ERBB4: variants seen among roughly 807,000 people sequenced by gnomAD.
The protein encoded by ERBB4 is erb-b2 receptor tyrosine kinase 4.
Under a neutral mutation model 158.0 loss-of-function variants are expected in ERBB4, and 42 were observed. The observed-to-expected ratio is 0.27, with a 90% CI of 0.21 to 0.34. ERBB4 has a LOEUF of 0.34. ERBB4 is among the 10% of genes least tolerant of loss of function. The pLI, the probability that ERBB4 is intolerant of heterozygous loss-of-function variation, is 1.00. For synonymous variants in ERBB4, 583 were observed against 558.7 expected (o/e 1.04, Z -0.61); for missense variants, 1,333 against 1,624.1 (o/e 0.82, Z 3.08).
chr2:212,431,722 A>G (rs2092034326), intron 1 of ERBB4, among the ~76,000 whole-genome samples: 1 of 152,112 alleles, frequency 6.6e-6, no homozygotes, highest in Admixed American at 6.6e-5. Context: ...ATCAACATAT[A>G]GTGTTAACTG....
intron 25 of ERBB4, among the ~76,000 whole-genome samples, chr2:211,412,611 C>A (rs531354875): frequency 2.9e-4 from 44 of 152,212 alleles, no homozygotes; most frequent in Non-Finnish European, 5.4e-4. Context: ...CAGTACCTAG[C>A]CTATGATAAA....
At chr2:211,907,012 C>G (rs1350291426) in intron 3 of ERBB4, among the ~76,000 whole-genome samples, 1 of 151,582 alleles carries the variant, frequency 6.6e-6, no homozygotes, top group African/African-American at 2.4e-5. Context: ...TATTTGTGTT[C>G]TTCTGACCTT....
intron 2 of ERBB4, among the ~76,000 whole-genome samples, chr2:212,004,413 A>G (rs2076212567): frequency 6.6e-6 from 1 of 152,170 alleles, no homozygotes; most frequent in African/African-American, 2.4e-5. Context: ...GAACCACATT[A>G]GACATCCCGA....
intron 23 of ERBB4, among the ~76,000 whole-genome samples, chr2:211,422,329 AT>A (rs2063530370): frequency 6.6e-6 from 1 of 151,764 alleles, no homozygotes; most frequent in Admixed American, 6.6e-5. Context: ...CAAAAGATAA[AT>A]TTTTTCTCTG....
chr2:212,518,622 T>A (rs1340506581), intron 1 of ERBB4, among the ~76,000 whole-genome samples: 1 of 151,940 alleles, frequency 6.6e-6, no homozygotes, highest in African/African-American at 2.4e-5. Flanking sequence ...TAGAAAAAAA[T>A]GTGATCTTTT....
At chr2:212,139,586 GA>G (rs1028269491) in intron 1 of ERBB4, among the ~76,000 whole-genome samples, 5 of 151,746 alleles carry the variant, frequency 3.3e-5, no homozygotes, top group African/African-American at 9.7e-5. Flanking sequence ...CTAGTAACAA[GA>G]AAAAATTTTT....
intron 1 of ERBB4, among the ~76,000 whole-genome samples, chr2:212,392,627 T>A (rs1314549891): frequency 6.6e-6 from 1 of 152,082 alleles, no homozygotes; most frequent in Non-Finnish European, 1.5e-5. Flanking sequence ...TCATTCGATA[T>A]TAAGCTAATC....
chr2:211,967,059 T>A (rs921003206), intron 2 of ERBB4, among the ~76,000 whole-genome samples: 1 of 152,172 alleles, frequency 6.6e-6, no homozygotes, highest in Non-Finnish European at 1.5e-5. Flanking sequence ...TTTATAATCC[T>A]GAACCTCTTA....
chr2:211,443,579 C>T (rs1337858590), intron 20 of ERBB4, among the ~76,000 whole-genome samples: 1 of 151,996 alleles, frequency 6.6e-6, no homozygotes, highest in African/African-American at 2.4e-5. Flanking sequence ...AAGCACATAT[C>T]ATAAAAACAG....
intron 20 of ERBB4, among the ~76,000 whole-genome samples, chr2:211,439,715 G>C (rs150535991): frequency 1.2e-3 from 187 of 152,186 alleles, no homozygotes; most frequent in African/African-American, 4.1e-3. Flanking sequence ...GGTTTCACTG[G>C]GTTCTTGTCA....
At chr2:211,647,779 A>T (rs182409506) in intron 16 of ERBB4, among the ~76,000 whole-genome samples, 34 of 151,826 alleles carry the variant, frequency 2.2e-4, no homozygotes, top group African/African-American at 7.9e-4. Context: ...AAATATTTAC[A>T]TTACCAACAA....
chr2:212,046,436 A>G (rs1259423945), intron 2 of ERBB4, among the ~76,000 whole-genome samples: 1 of 152,212 alleles, frequency 6.6e-6, no homozygotes, highest in Non-Finnish European at 1.5e-5. Flanking sequence ...TTTGCTGTTT[A>G]TAAGTTAAAT....
chr2:212,402,792 AAAAG>A (rs779730485), intron 1 of ERBB4, among the ~76,000 whole-genome samples: 156 of 152,254 alleles, frequency 1.0e-3, no homozygotes, highest in African/African-American at 3.5e-3. Context: ...ATTTTGTACA[AAAAG>A]AAATAAAAAC....
intron 3 of ERBB4, among the ~76,000 whole-genome samples, chr2:211,868,600 T>C (rs1381679250): frequency 1.3e-5 from 2 of 152,226 alleles, no homozygotes; most frequent in Non-Finnish European, 2.9e-5. Context: ...TTTTGTGTTA[T>C]TTTGTTTATT....
chr2:212,408,689 C>T (rs893465964), intron 1 of ERBB4, among the ~76,000 whole-genome samples: 11 of 152,246 alleles, frequency 7.2e-5, no homozygotes, highest in Non-Finnish European at 1.6e-4. Context: ...GACACCACCA[C>T]CGCCCTCTTA....
chr2:211,681,483 T>C (rs1035654468), intron 12 of ERBB4, among the ~76,000 whole-genome samples: 1 of 152,194 alleles, frequency 6.6e-6, no homozygotes, highest in Non-Finnish European at 1.5e-5. Flanking sequence ...CTACCATCAA[T>C]GAACACAACT....
At chr2:212,308,410 T>A (rs147292065) in intron 1 of ERBB4, among the ~76,000 whole-genome samples, 7 of 151,192 alleles carry the variant, frequency 4.6e-5, no homozygotes, top group South Asian at 4.1e-4. Context: ...AACAATTTTG[T>A]TTATAACATT....
intron 1 of ERBB4, among the ~76,000 whole-genome samples, chr2:212,386,467 A>G (rs149084906): frequency 0.015 from 2,327 of 151,476 alleles, 35 homozygotes; most frequent in Non-Finnish European, 0.026. Context: ...ATCTAAACTT[A>G]TTTCCCTCTC....
intron 2 of ERBB4, among the ~76,000 whole-genome samples, chr2:212,105,141 T>C (rs544076452): frequency 6.6e-6 from 1 of 152,340 alleles, no homozygotes; most frequent in South Asian, 2.1e-4. Flanking sequence ...TAGAATTCCC[T>C]AACACCTAAA....
Sources: gnomAD v4.1 joint callset for allele counts (sites outside exome capture counted in the v4.1 genomes callset) on GRCh38, gnomAD v4.1.1 for gene constraint, MANE v1.5 for transcripts, NCBI Gene and HGNC (gene_info 2026-07-23, HGNC 2026-07-21) for gene names.